TMEM163: variants seen among roughly 807,000 people sequenced by gnomAD.
The protein encoded by TMEM163 is transmembrane protein 163.
Under a neutral mutation model 29.3 loss-of-function variants are expected in TMEM163, and 17 were observed. The observed-to-expected ratio is 0.58, with a 90% CI of 0.40 to 0.87. TMEM163 has a LOEUF of 0.87. TMEM163 is among the 40% of genes least tolerant of loss of function. The pLI, the probability that TMEM163 is intolerant of heterozygous loss-of-function variation, is 0.00. For missense variants in TMEM163, 303 were observed against 381.5 expected (o/e 0.79, Z 1.71); for synonymous variants, 157 against 160.6 (o/e 0.98, Z 0.17).
At chr2:134,667,580 CTA>C (rs1440638615) in intron 2 of TMEM163, among the ~76,000 whole-genome samples, 7 of 152,244 alleles carry the variant, frequency 4.6e-5, no homozygotes, top group Non-Finnish European at 1.0e-4. Context: ...TCCACCCAGG[CTA>C]TGTGTTTAAA....
chr2:134,616,820 T>G (rs1682618018), intron 2 of TMEM163, among the ~76,000 whole-genome samples: 1 of 152,218 alleles, frequency 6.6e-6, no homozygotes, highest in Non-Finnish European at 1.5e-5. Flanking sequence ...TTGCAAATTC[T>G]TATGAATTTA....
At chr2:134,623,991 C>T (rs750733861) in intron 2 of TMEM163, among the ~76,000 whole-genome samples, 1 of 152,118 alleles carries the variant, frequency 6.6e-6, no homozygotes, top group Non-Finnish European at 1.5e-5. Flanking sequence ...ACCAGTGAAG[C>T]CACAGAAACC....
intron 2 of TMEM163, among the ~76,000 whole-genome samples, chr2:134,709,060 A>G (rs1346036937): frequency 1.3e-5 from 2 of 152,248 alleles, no homozygotes. Flanking sequence ...TCAAACCTGA[A>G]AAACAGAGTC....
chr2:134,577,159 TTGATAGACATTTAA>T (rs1681574193), intron 2 of TMEM163, among the ~76,000 whole-genome samples: 1 of 152,190 alleles, frequency 6.6e-6, no homozygotes, highest in Admixed American at 6.5e-5. Context: ...TGAGCCTTTT[TTGATAGACATTTAA>T]TGTCATATAC....
At chr2:134,513,887 C>G (rs1170543503) in intron 4 of TMEM163, among the ~76,000 whole-genome samples, 1 of 152,196 alleles carries the variant, frequency 6.6e-6, no homozygotes, top group African/African-American at 2.4e-5. Flanking sequence ...GCAGGGATGG[C>G]TAGAAGGCCA....
At chr2:134,632,264 A>G (rs145103729) in intron 2 of TMEM163, among the ~76,000 whole-genome samples, 3 of 152,352 alleles carry the variant, frequency 2.0e-5, no homozygotes, top group Admixed American at 2.0e-4. Flanking sequence ...ACCAGAGGCC[A>G]TAGAAGGGAA....
At chr2:134,631,281 A>G (rs1682961747) in intron 2 of TMEM163, among the ~76,000 whole-genome samples, 1 of 152,216 alleles carries the variant, frequency 6.6e-6, no homozygotes, top group African/African-American at 2.4e-5. Context: ...TGTTGCTTCT[A>G]AACCTTCAGT....
chr2:134,668,993 C>T (rs1683932430), intron 2 of TMEM163, among the ~76,000 whole-genome samples: 1 of 152,062 alleles, frequency 6.6e-6, no homozygotes, highest in Non-Finnish European at 1.5e-5. Flanking sequence ...AAAGAGACCA[C>T]CGCCAAGGAG....
At chr2:134,466,050 C>A in intron 6 of TMEM163, 64 bp downstream of exon 6, 1 of 1,222,750 alleles carries the variant, frequency 8.2e-7, no homozygotes, top group Non-Finnish European at 1.2e-6. Flanking sequence ...AAAAGAGACC[C>A]AAACAGCATC....
At chr2:134,528,138 T>C (rs1452614365) in intron 4 of TMEM163, among the ~76,000 whole-genome samples, 1 of 152,168 alleles carries the variant, frequency 6.6e-6, no homozygotes, top group Non-Finnish European at 1.5e-5. Context: ...TGGTGAAAGA[T>C]CATTCCATGT....
intron 2 of TMEM163, among the ~76,000 whole-genome samples, chr2:134,573,262 C>A (rs1408124625): frequency 6.6e-6 from 1 of 152,176 alleles, no homozygotes; most frequent in Non-Finnish European, 1.5e-5. Flanking sequence ...TAGAAGAACC[C>A]AAGTGCTGAG....
At chr2:134,525,188 T>C (rs964095619) in intron 4 of TMEM163, among the ~76,000 whole-genome samples, 2 of 152,232 alleles carry the variant, frequency 1.3e-5, no homozygotes, top group Admixed American at 6.5e-5. Flanking sequence ...AAATTAGTGC[T>C]ACTCAAAGTG....
chr2:134,625,002 G>T (rs1160127894), intron 2 of TMEM163, among the ~76,000 whole-genome samples: 5 of 152,126 alleles, frequency 3.3e-5, no homozygotes, highest in Admixed American at 6.5e-5. Context: ...GTTACTTAGT[G>T]TATGTATGCT....
At chr2:134,519,946 T>C (rs549011207) in intron 4 of TMEM163, among the ~76,000 whole-genome samples, 1 of 149,226 alleles carries the variant, frequency 6.7e-6, no homozygotes, top group South Asian at 2.1e-4. Context: ...ACTGAGCAGA[T>C]GAATGTGGGG....
intron 2 of TMEM163, among the ~76,000 whole-genome samples, chr2:134,623,144 C>T (rs748071282): frequency 3.9e-5 from 6 of 152,178 alleles, no homozygotes; most frequent in Non-Finnish European, 7.3e-5. Context: ...TTTTCTATCT[C>T]TCCCTTCTAA....
chr2:134,456,644 G>A lies in TMEM163; in HGVS notation c.*72C>T. 1 of 1,551,194 alleles carries A rather than the reference G, an allele frequency of 6.4e-7. No homozygotes were observed. The highest frequency in any genetic ancestry group is 1.1e-5 in the South Asian group (1 of 87,084). ...CTTCCAAAAAGAAACCAGATGTTCA[G>A]TTAAATATTGGCACCCTTTGCCTAT... On this transcript the variant is annotated 3_prime_UTR_variant, in exon 8 of 8. Coordinates refer to ENST00000281924, the MANE Select transcript of TMEM163 (RefSeq NM_030923.5).
intron 2 of TMEM163, among the ~76,000 whole-genome samples, chr2:134,633,294 G>A (rs147180584): frequency 9.2e-5 from 14 of 152,284 alleles, no homozygotes; most frequent in African/African-American, 3.1e-4. Flanking sequence ...GGCAGGATTA[G>A]GACAGGCCAG....
chr2:134,531,765 C>A (rs1680421535), intron 4 of TMEM163, among the ~76,000 whole-genome samples: 1 of 152,200 alleles, frequency 6.6e-6, no homozygotes, highest in African/African-American at 2.4e-5. Context: ...TGAACCCTGT[C>A]ATTATGGGTT....
intron 4 of TMEM163, among the ~76,000 whole-genome samples, chr2:134,545,100 T>C (rs537630974): frequency 1.3e-5 from 2 of 152,282 alleles, no homozygotes; most frequent in Non-Finnish European, 2.9e-5. Context: ...AAACCACACA[T>C]GCTATTTTGT....
Sources: allele counts gnomAD v4.1 joint callset (sites outside exome capture counted in the v4.1 genomes callset), GRCh38; gene constraint gnomAD v4.1.1; transcripts MANE v1.5; gene names NCBI Gene and HGNC (gene_info 2026-07-23, HGNC 2026-07-21).